The following MAGEC3 variants were observed in gnomAD, a reference collection of about 807,000 sequenced individuals.
MAGEC3 encodes the protein MAGE family member C3.
Under a neutral mutation model 35.3 loss-of-function variants are expected in MAGEC3, and 34 were observed. The ratio of observed to expected loss-of-function variants is 0.96; its 90% CI spans 0.73 to 1.28. The LOEUF (loss-of-function observed/expected upper bound fraction) is 1.28, where lower values mean the gene tolerates loss of function less well. Among genes scored for constraint, MAGEC3 ranks in the 50% most tolerant of loss-of-function variants. MAGEC3 has a pLI of 0.00. For missense variants in MAGEC3, 561 were observed against 483.6 expected (o/e 1.16, Z -1.50); for synonymous variants, 202 against 185.6 (o/e 1.09, Z -0.72).
At chrX:141,893,794 T>C (rs1375553608) in intron 4 of MAGEC3, among the ~76,000 whole-genome samples, 3 of 108,865 alleles carry the variant, frequency 2.8e-5, no homozygotes, top group Non-Finnish European at 5.7e-5. Context: ...AGCAATGCTC[T>C]AAAAATGATG....
At chrX:141,892,950 T>G (rs777160257) in intron 4 of MAGEC3, among the ~76,000 whole-genome samples, 1 of 112,260 alleles carries the variant, frequency 8.9e-6, no homozygotes, top group African/African-American at 3.2e-5. Flanking sequence ...ACATATCTGA[T>G]AAAAGATGTA....
rs140388872 is a variant in MAGEC3 at position 141,871,483 on chromosome X, A to G, written c.258+5878A>G. Among the ~76,000 whole-genome samples, 579 of 111,954 alleles carry G rather than the reference A, an allele frequency of 5.2e-3. 3 individuals are homozygous for G. The highest frequency in any genetic ancestry group is 0.018 in the African/African-American group (543 of 30,714). On this transcript the variant is annotated intron_variant, in intron 2 of 7. Transcript: ENST00000298296. ...GTGGCAAGACAGAGTGGAGAGAAGT[A>G]ATTCAGATGGCTGAGGGAAAACGTT... is the stretch of plus-strand genomic sequence containing the variant.
chrX:141,843,231 A>T (rs1374598873), intron 1 of MAGEC3, among the ~76,000 whole-genome samples: 1 of 111,551 alleles, frequency 9.0e-6, no homozygotes, highest in Non-Finnish European at 1.9e-5. Flanking sequence ...GAAAAATATG[A>T]TTGGAGGGTT....
chrX:141,886,263 C>CA (rs200263398), intron 4 of MAGEC3, among the ~76,000 whole-genome samples: 2,071 of 110,804 alleles, frequency 0.019, 70 homozygotes, highest in African/African-American at 0.066. Flanking sequence ...GTTAAGTGGA[C>CA]AAAAAACTGA....
chrX:141,890,672 A>T (rs763942942), intron 4 of MAGEC3, among the ~76,000 whole-genome samples: 1 of 112,412 alleles, frequency 8.9e-6, no homozygotes, highest in East Asian at 2.8e-4. Context: ...TTTCAAGGTA[A>T]TGTTGGCATT....
intron 4 of MAGEC3, among the ~76,000 whole-genome samples, chrX:141,892,788 C>T (rs1174848432): frequency 1.8e-5 from 2 of 111,350 alleles, no homozygotes; most frequent in African/African-American, 3.3e-5. Flanking sequence ...GTTTTGATGA[C>T]GGCTTTTTCA....
intron 4 of MAGEC3, among the ~76,000 whole-genome samples, chrX:141,888,196 G>A (rs2018016054): frequency 8.9e-6 from 1 of 111,971 alleles, no homozygotes; most frequent in African/African-American, 3.3e-5. Flanking sequence ...AGTTCCCTAT[G>A]ATCAGTTGAT....
At position 141,838,351 on chromosome X, in the gene MAGEC3, C is replaced by T; in HGVS notation, c.36C>T (p.Thr12=). The change falls in exon 1 of 8, where the codon ACC becomes ACT. Residue 12 remains threonine, a synonymous_variant. Transcript: ENST00000298296. ...LLPCHWVLDA[T]FSDGSLGQWV... Reference sequence around the variant, plus strand: ...CCTGCCACTGGGTGTTGGATGCCACCTTCAGTGATGGCAGTCTAGGCCAGT... The same window carrying T: ...CCTGCCACTGGGTGTTGGATGCCACTTTCAGTGATGGCAGTCTAGGCCAGT... 3.3e-6 allele frequency: 4 copies of T among 1,211,075 alleles called. No homozygotes were observed. Among genetic ancestry groups the T allele is most frequent in the Middle Eastern group, 4.6e-4 (2 of 4,352 alleles).
Position 141,895,352 on chromosome X carries a change from G to A in MAGEC3, c.993G>A (p.Glu331=). 8.3e-7 allele frequency: 1 copy of A among 1,211,122 alleles called. No individual in the cohort carries two copies. The highest frequency in any genetic ancestry group is 1.1e-6 in the Non-Finnish European group (1 of 895,300). The part of the protein sequence containing the change: ...WESEGPEAFC[E]ESGLRSAEGS... ...CTGAAGGACCTGAAGCATTTTGCGA[G>A]GAGTCTGGACTCAGGTCAGCAGAGG... Residue 331 remains glutamate (E), a synonymous_variant, in exon 5 of 8, where the codon GAG becomes GAA. Coordinates refer to ENST00000298296, the MANE Select transcript of MAGEC3 (RefSeq NM_138702.1).
intron 1 of MAGEC3, among the ~76,000 whole-genome samples, chrX:141,850,303 T>G (rs1232166178): frequency 9.0e-6 from 1 of 110,653 alleles, no homozygotes; most frequent in Non-Finnish European, 1.9e-5. Flanking sequence ...ATAGGATCTA[T>G]ACTCCAACCT....
chrX:141,865,780 C>G (rs1457492884), intron 2 of MAGEC3, among the ~76,000 whole-genome samples, 175 bp downstream of exon 2: 1 of 111,714 alleles, frequency 9.0e-6, no homozygotes, highest in Non-Finnish European at 1.9e-5. Context: ...ACCTTAGACT[C>G]AAGTCAGCAG....
rs891999324 is a variant in MAGEC3, at chrX:141,839,462, C to T, written c.123+1024C>T. On this transcript the variant is annotated intron_variant, in intron 1 of 7. Transcript: ENST00000298296. ...GAGCAAAATAAAAGCTTCATTCACT[C>T]TGCTGTCATATTTGATTATATCTTG... 4.0e-6 allele frequency: 3 copies of T among 751,323 alleles called. No individual in the cohort carries two copies. In the African/African-American group the frequency reaches 7.0e-5, roughly 17 times the overall value. 61.9% of individuals were successfully genotyped at this position (751,323 alleles called of 1,213,427 possible). A position where few individuals can be genotyped will look rare whatever the true frequency, so the allele number is the denominator to read the frequency against.
intron 1 of MAGEC3, chrX:141,839,565 A>G: frequency 1.3e-6 from 1 of 754,103 alleles, no homozygotes; most frequent in Non-Finnish European, 1.6e-6. Context: ...TGCAGCTCCT[A>G]CCACTTCCAG....
intron 3 of MAGEC3, 107 bp from the exon 4 acceptor site, chrX:141,881,296 C>G: frequency 4.1e-6 from 4 of 963,938 alleles, no homozygotes; most frequent in Non-Finnish European, 5.7e-6. Context: ...GAGTCCTCCC[C>G]AGGGTCCTCT....
intron 1 of MAGEC3, among the ~76,000 whole-genome samples, chrX:141,861,907 T>C (rs2017817579): frequency 9.0e-6 from 1 of 111,525 alleles, no homozygotes; most frequent in Admixed American, 9.6e-5. Context: ...CAAAAGCAAA[T>C]GCAACAAACA....
rs1387100214 is a variant in MAGEC3 at position 141,897,013 on chromosome X, T to C, written c.1255T>C (p.Cys419Arg). The C allele has an allele frequency of 1.7e-6, 2 of 1,208,695 alleles. No individual in the cohort carries two copies. Among genetic ancestry groups the C allele is most frequent in the Non-Finnish European group, 2.2e-6 (2 of 894,662 alleles). ...QSPPQSPLDS[C>R]SSPLLWTRLD... is the part of the protein sequence containing the mutation. ...TCCTCCCCAGAGTCCTCTAGACTCC[T>C]GCTCATCCCCTCTTTTGTGGACCCG... The change falls in exon 7 of 8, where the codon TGC (cysteine) becomes CGC (arginine). Residue 419 changes from cysteine (C) to arginine (R), a missense_variant. Coordinates refer to ENST00000298296, the MANE Select transcript of MAGEC3 (RefSeq NM_138702.1).
Position 141,864,014 on chromosome X carries a change from T to C in MAGEC3, c.124-1457T>C, listed in dbSNP as rs1398080882. On this transcript the variant is annotated intron_variant, in intron 1 of 7. Coordinates refer to ENST00000298296, the MANE Select transcript of MAGEC3 (RefSeq NM_138702.1). ...GTTAGTTGACTACAAAGGTGAGGCA[T>C]AGGGGATTCAACCCAAATTGCTGTG... Among the ~76,000 whole-genome samples the C allele has an allele frequency of 8.9e-5, 10 of 111,769 alleles. No individual in the cohort carries two copies. In the East Asian group the frequency reaches 2.5e-3, roughly 28 times the overall value.
intron 4 of MAGEC3, among the ~76,000 whole-genome samples, chrX:141,889,285 C>T (rs949961446): frequency 9.0e-6 from 1 of 111,588 alleles, no homozygotes; most frequent in Non-Finnish European, 1.9e-5. Context: ...TATTGTTTCT[C>T]CCATAGTCAG....
In MAGEC3 at chrX:141,897,469, G is replaced by A; in HGVS notation, c.1711G>A (p.Val571Met). 12 of 1,208,656 alleles carry A rather than the reference G, an allele frequency of 9.9e-6. No homozygotes were observed. The highest frequency in any genetic ancestry group is 1.2e-5 in the Non-Finnish European group (11 of 894,130). Residue 571 changes from valine (V) to methionine (M), a missense_variant, in exon 7 of 8, where the codon GTG (valine) becomes ATG (methionine). Transcript: ENST00000298296. The stretch of plus-strand genomic sequence containing the variant: ...TGTCCCCGAGGAGGTCATCTGGGAA[G>A]TGTTGAGTGCAATAGGGGTGTGTGC... ...SCVPEEVIWE[V>M]LSAIGPIQRP...
Sources: gnomAD v4.1 joint callset for allele counts (sites outside exome capture counted in the v4.1 genomes callset) on GRCh38, gnomAD v4.1.1 for gene constraint, MANE v1.5 for transcripts, NCBI Gene and HGNC (gene_info 2026-07-23, HGNC 2026-07-21) for gene names.